Variants in TULP3 observed in about 807,000 individuals in gnomAD.
TULP3 encodes the protein tubby-related protein 3.
TULP3 carries 38 observed loss-of-function variants against 50.7 expected under a neutral mutation model. The ratio of observed to expected loss-of-function variants is 0.75; its 90% CI spans 0.58 to 0.98. The LOEUF (loss-of-function observed/expected upper bound fraction) is 0.98. Ranked by LOEUF, TULP3 falls within the 50% of genes least tolerant of loss-of-function variation. TULP3 has a pLI of 0.00. For missense variants in TULP3, 550 were observed against 568.0 expected, an observed-to-expected ratio of 0.97 and a Z score of 0.32; for synonymous variants, 183 against 196.6, an observed-to-expected ratio of 0.93 and a Z score of 0.58.
chr12:2,922,387 C>G lies in TULP3; in HGVS notation c.379C>G (p.Arg127Gly). 6.2e-7 allele frequency: 1 copy of G among 1,613,080 alleles called. No individual in the cohort carries two copies. The highest frequency in any genetic ancestry group is 8.5e-7 in the Non-Finnish European group (1 of 1,179,792). The stretch of plus-strand genomic sequence containing the variant: ...TGCTTCCAAGCCAGGACTTCAGGAG[C>G]GTCTCCAAAAGCATGGTGAGGACTG... ...DTASKPGLQERLQKHDISESV... is the reference protein window; with the variant it reads ...DTASKPGLQEGLQKHDISESV... The change falls in exon 4 of 11, where the codon CGT becomes GGT. Residue 127 changes from arginine (R) to glycine (G), a missense_variant. Arg to Gly is a moderately radical substitution (Grantham distance 125). Coordinates refer to ENST00000448120, the MANE Select transcript of TULP3 (RefSeq NM_003324.5).
intron 1 of TULP3, among the ~76,000 whole-genome samples, chr12:2,893,769 T>C (rs569990331): frequency 6.6e-6 from 1 of 152,092 alleles, no homozygotes; most frequent in South Asian, 2.1e-4. Flanking sequence ...AGATTTATTT[T>C]CAACAAAATA....
intron 4 of TULP3, among the ~76,000 whole-genome samples, chr12:2,924,689 A>T (rs10848742): frequency 0.5 from 69,186 of 138,878 alleles, 16,145 homozygotes; most frequent in African/African-American, 0.57. Flanking sequence ...TTTAAAAATT[A>T]AAAAAAAAAA....
intron 1 of TULP3, among the ~76,000 whole-genome samples, chr12:2,894,288 G>A (rs1490122525): frequency 2.5e-5 from 3 of 122,322 alleles, no homozygotes; most frequent in South Asian, 3.2e-4. Context: ...CCGAGATGGC[G>A]GGGGGGCGGG....
chr12:2,922,224 T>C (rs1483412721), intron 3 of TULP3, 38 bp from the exon 4 acceptor site: 3 of 1,602,134 alleles, frequency 1.9e-6, no homozygotes, highest in Non-Finnish European at 2.6e-6. Flanking sequence ...AATAATACTT[T>C]GCTCCTTTTT....
intron 1 of TULP3, among the ~76,000 whole-genome samples, chr12:2,903,494 G>A (rs1257167648): frequency 7.9e-5 from 12 of 151,178 alleles, no homozygotes; most frequent in African/African-American, 2.2e-4. Flanking sequence ...CCCGGGAGGC[G>A]GAGGTTGCGG....
At chr12:2,902,321 C>A (rs2098179743) in intron 1 of TULP3, among the ~76,000 whole-genome samples, 1 of 152,168 alleles carries the variant, frequency 6.6e-6, no homozygotes, top group Non-Finnish European at 1.5e-5. Context: ...AGGAAGCCTT[C>A]ACTCAAGTTA....
In TULP3 at chr12:2,920,960, A is replaced by G; in HGVS notation, c.253+38A>G. On this transcript the variant is annotated intron_variant, in intron 3 of 10. Coordinates refer to ENST00000448120, the MANE Select transcript of TULP3 (RefSeq NM_003324.5). ...GCAGCATCACTTCCTAGTGGGGTAC[A>G]ATTTTCACAAACCTAGAAGGCACGA... 5 of 1,608,852 alleles carry G rather than the reference A, an allele frequency of 3.1e-6. No homozygotes were observed. The South Asian group carries it at 5.5e-5, about 18-fold the overall frequency.
chr12:2,925,685 A>G (rs895836810), intron 4 of TULP3, among the ~76,000 whole-genome samples: 10 of 152,240 alleles, frequency 6.6e-5, no homozygotes, highest in African/African-American at 2.4e-4. Context: ...CTATTTTTAC[A>G]ACAAAAGAAA....
intron 1 of TULP3, among the ~76,000 whole-genome samples, chr12:2,894,135 C>T (rs1766209820): frequency 6.6e-6 from 1 of 151,982 alleles, no homozygotes; most frequent in Non-Finnish European, 1.5e-5. Flanking sequence ...GGCGTGCTTC[C>T]CACTGTGGTG....
chr12:2,909,875 T>C (rs1361293029), intron 2 of TULP3, among the ~76,000 whole-genome samples: 1 of 152,216 alleles, frequency 6.6e-6, no homozygotes, highest in African/African-American at 2.4e-5. Context: ...TAACATTGTA[T>C]TTCTGTGTAG....
rs112792754 is a variant in TULP3 at position 2,903,817 on chromosome 12, T to C, written c.42-5712T>C. The stretch of plus-strand genomic sequence containing the variant: ...TGTTTTGAGATGAAGCCTAGCTCTG[T>C]TGCCCAGGCTGGAGTGCAGTCAGTG... On this transcript the variant is annotated intron_variant, in intron 1 of 10. Transcript: ENST00000448120. Among the ~76,000 whole-genome samples, 336 of 152,224 alleles carry C rather than the reference T, an allele frequency of 2.2e-3. 1 individual carries two copies. The highest frequency in any genetic ancestry group is 7.4e-3 in the African/African-American group (306 of 41,550).
chr12:2,902,089 G>A (rs547952747), intron 1 of TULP3, among the ~76,000 whole-genome samples: 1 of 152,198 alleles, frequency 6.6e-6, no homozygotes, highest in South Asian at 2.1e-4. Flanking sequence ...TTTCTGATAG[G>A]TTGAGTTGAA....
At chr12:2,929,807 T>G (rs2098196876) in intron 4 of TULP3, among the ~76,000 whole-genome samples, 1 of 152,092 alleles carries the variant, frequency 6.6e-6, no homozygotes, top group Non-Finnish European at 1.5e-5. Context: ...GCCAGGATGG[T>G]CTCAATCTCC....
chr12:2,911,664 C>CTTTTTTTTTTTTTTTTTTT (rs56027951), intron 2 of TULP3, among the ~76,000 whole-genome samples: 5 of 38,172 alleles, frequency 1.3e-4, no homozygotes, highest in Admixed American at 4.0e-4. Context: ...TGCGCCCAGC[C>CTTTTTTTTTTTTTTTTTTT]TTTTTTTTTT....
rs897651823 is a variant in TULP3, at chr12:2,904,988, C to T, written c.42-4541C>T. ...TTATCCCAGCTGCTTGGGAGGCTGA[C>T]GCAGGAGAATCGCTTGAATCCGGGA... On this transcript the variant is annotated intron_variant, in intron 1 of 10. Coordinates refer to ENST00000448120, the MANE Select transcript of TULP3 (RefSeq NM_003324.5). Among the ~76,000 whole-genome samples, 13 of 150,492 alleles carry T rather than the reference C, an allele frequency of 8.6e-5. No individual in the cohort carries two copies. In the South Asian group the frequency reaches 1.3e-3, roughly 15 times the overall value.
At position 2,909,587 on chromosome 12, in the gene TULP3, A is replaced by C; in HGVS notation, c.93+7A>C. The C allele has an allele frequency of 6.3e-7, 1 of 1,583,500 alleles. No individual in the cohort carries two copies. The highest frequency in any genetic ancestry group is 8.5e-7 in the Non-Finnish European group (1 of 1,171,412). On this transcript the variant is annotated splice_region_variant and intron_variant, in intron 2 of 10. Coordinates refer to ENST00000448120, the MANE Select transcript of TULP3 (RefSeq NM_003324.5). ...GGCTAAGCTGGATTATCAGGTGAGC[A>C]GAGTCTCCTCTTTTGAAATAGGTGG...
chr12:2,911,608 G>T lies in TULP3; in HGVS notation c.93+2028G>T, dbSNP rs544975824. 1.3e-4 allele frequency among the ~76,000 whole-genome samples: 18 copies of T among 134,850 alleles called. No homozygotes were observed. The Admixed American group carries it at 1.4e-3, about 11-fold the overall frequency. The allele number at this position is 134,850 out of a possible 152,430, so 88.5% of individuals were successfully genotyped here. On this transcript the variant is annotated intron_variant, in intron 2 of 10. Transcript: ENST00000448120. ...TCTCGAACTCCTGACCTCATGATCC[G>T]CCCGCCTTAGCCTCCCAAAGTGCTG... is the stretch of plus-strand genomic sequence containing the variant.
At chr12:2,923,659 A>T (rs1459281296) in intron 4 of TULP3, among the ~76,000 whole-genome samples, 4 of 150,658 alleles carry the variant, frequency 2.7e-5, no homozygotes, top group Non-Finnish European at 5.9e-5. Flanking sequence ...AAAAAAAAAA[A>T]AAAAGAAAAG....
At chr12:2,904,848 C>T (rs988337786) in intron 1 of TULP3, among the ~76,000 whole-genome samples, 10 of 152,154 alleles carry the variant, frequency 6.6e-5, no homozygotes, top group African/African-American at 2.4e-4. Flanking sequence ...GCCTGTATCC[C>T]AGCACTTTGG....
Sources: allele counts gnomAD v4.1 joint callset (sites outside exome capture counted in the v4.1 genomes callset), GRCh38; gene constraint gnomAD v4.1.1; transcripts MANE v1.5; gene names NCBI Gene and HGNC (gene_info 2026-07-23, HGNC 2026-07-21).